TRPV3: variants seen among roughly 807,000 people sequenced by gnomAD.
TRPV3 encodes transient receptor potential cation channel subfamily V member 3, also known as VRL-3.
In TRPV3, 88 loss-of-function variants were observed where a neutral mutation model predicts 87.1. The observed-to-expected ratio is 1.01, with a 90% CI of 0.85 to 1.21. TRPV3 has a LOEUF of 1.21. Among genes scored for constraint, TRPV3 ranks in the 50% most tolerant of loss-of-function variants. The pLI, the probability that TRPV3 is intolerant of heterozygous loss-of-function variation, is 0.00. For synonymous variants in TRPV3, 438 were observed against 423.3 expected (o/e 1.03, Z -0.43); for missense variants, 1,054 against 1,030.1 (o/e 1.02, Z -0.32).
intron 2 of TRPV3, among the ~76,000 whole-genome samples, chr17:3,548,259 T>C (rs562980883): frequency 1.3e-5 from 2 of 151,938 alleles, no homozygotes; most frequent in East Asian, 3.9e-4. Flanking sequence ...GGAGGGAGGG[T>C]AGCAGGAAAG....
At position 3,530,096 on chromosome 17, in the gene TRPV3, G is replaced by A. The variant is rs960132557; in HGVS notation, c.1173C>T (p.Asp391=). ...AYGPVSSSLY[D]LTNVDTTTDN... ...CCGTGGTGGTGTCCACGTTGGTGAG[G>A]TCGTAGAGGGAGGATGACACGGGTC... The change falls in exon 9 of 18, where the codon GAC becomes GAT. Residue 391 remains aspartate, a synonymous_variant. Coordinates refer to ENST00000576742, the MANE Select transcript of TRPV3 (RefSeq NM_145068.4). The surrounding 1 kb of genome is among the most constrained non-coding windows in gnomAD (Gnocchi z 4.0). The A allele has an allele frequency of 6.2e-7, 1 of 1,614,170 alleles. No individual in the cohort carries two copies. Among genetic ancestry groups the A allele is most frequent in the South Asian group, 1.1e-5 (1 of 91,056 alleles).
At chr17:3,519,084 C>T (rs374181710) in intron 14 of TRPV3, among the ~76,000 whole-genome samples, 30 of 152,312 alleles carry the variant, frequency 2.0e-4, no homozygotes, top group Admixed American at 1.2e-3. Flanking sequence ...TCCTTTACCC[C>T]GCAGTCTGCC....
Position 3,518,460 on chromosome 17 carries a change from C to T in TRPV3, c.2085+116G>A, listed in dbSNP as rs973013393. The stretch of plus-strand genomic sequence containing the variant: ...TCAAACCTGGCCACACACTGAGGAG[C>T]TTGTGCAGATTCTCAGGCCCCACCT... On this transcript the variant is annotated intron_variant, in intron 15 of 17. Coordinates refer to ENST00000576742, the MANE Select transcript of TRPV3 (RefSeq NM_145068.4). The surrounding 1 kb of genome is among the most constrained non-coding windows in gnomAD (Gnocchi z 4.3). 18 of 1,245,706 alleles carry T rather than the reference C, an allele frequency of 1.4e-5. No homozygotes were observed. Among genetic ancestry groups the T allele is most frequent in the African/African-American group, 1.4e-4 (9 of 65,992 alleles). The allele number at this position is 1,245,706 out of a possible 1,614,324, so 77.2% of individuals were successfully genotyped here.
intron 6 of TRPV3, among the ~76,000 whole-genome samples, chr17:3,539,335 A>G (rs2074437480): frequency 6.6e-6 from 1 of 151,974 alleles, no homozygotes; most frequent in Admixed American, 6.6e-5. Flanking sequence ...GGGCTGCTTT[A>G]CAATGAAACT....
In TRPV3 at chr17:3,532,899, G is replaced by A; in HGVS notation, c.823C>T (p.Pro275Ser). 1 of 1,614,198 alleles carries A rather than the reference G, an allele frequency of 6.2e-7. No homozygotes were observed. Among genetic ancestry groups the A allele is most frequent in the Non-Finnish European group, 8.5e-7 (1 of 1,180,036 alleles). ...PLALAACTNQ[P>S]EIVQLLMEHE... The stretch of plus-strand genomic sequence containing the variant: ...TCCATCAGCAGCTGCACAATCTCGG[G>A]CTGGTTGGTGCATGCTGCCAGGGCC... The change falls in exon 8 of 18, where the codon CCC (proline) becomes TCC (serine). Residue 275 changes from proline to serine, a missense_variant. Physicochemically the swap from Pro to Ser is moderately conservative, Grantham distance 74. Coordinates refer to ENST00000576742, the MANE Select transcript of TRPV3 (RefSeq NM_145068.4).
At chr17:3,535,321 TC>T (rs1439107219) in intron 7 of TRPV3, among the ~76,000 whole-genome samples, 56 of 67,518 alleles carry the variant, frequency 8.3e-4, no homozygotes, top group African/African-American at 2.3e-3. Flanking sequence ...CCTTTCTCCC[TC>T]CTCCCTTCCT....
chr17:3,518,071 G>A lies in TRPV3; in HGVS notation c.2085+505C>T, dbSNP rs1216563293. On this transcript the variant is annotated intron_variant, in intron 15 of 17. Transcript: ENST00000576742. The surrounding 1 kb of genome is among the most constrained non-coding windows in gnomAD (Gnocchi z 4.3). ...TGACCTCAGGTGATCCACCCGCTTC[G>A]GCCTTCCAAAGTGCTAAGATTACAG... Among the ~76,000 whole-genome samples, 3 of 151,842 alleles carry A rather than the reference G, an allele frequency of 2.0e-5. No homozygotes were observed. Among genetic ancestry groups the A allele is most frequent in the African/African-American group, 4.8e-5 (2 of 41,308 alleles).
chr17:3,528,253 T>G lies in TRPV3; in HGVS notation c.1402-127A>C. ...CCAGAGACCAGCATGAAACCTGATC[T>G]CTGTACAGGGCAAGAGAAGGAAGAG... is the stretch of plus-strand genomic sequence containing the variant. On this transcript the variant is annotated intron_variant, in intron 10 of 17. Coordinates refer to ENST00000576742, the MANE Select transcript of TRPV3 (RefSeq NM_145068.4). The surrounding 1 kb of genome is among the most constrained non-coding windows in gnomAD (Gnocchi z 4.2). 2 of 660,556 alleles carry G rather than the reference T, an allele frequency of 3.0e-6. No individual in the cohort carries two copies. Among genetic ancestry groups the G allele is most frequent in the Middle Eastern group, 5.5e-4 (2 of 3,658 alleles). 40.9% of individuals were successfully genotyped at this position (660,556 alleles called of 1,614,324 possible).
chr17:3,542,491 T>C (rs1485938412), intron 6 of TRPV3, 31 bp downstream of exon 6: 2 of 1,602,978 alleles, frequency 1.2e-6, no homozygotes, highest in Admixed American at 3.4e-5. Context: ...CAGAGACTCC[T>C]GTCTGCACAG....
chr17:3,537,648 A>G (rs1307039832), intron 6 of TRPV3, among the ~76,000 whole-genome samples: 2 of 152,162 alleles, frequency 1.3e-5, no homozygotes, highest in African/African-American at 4.8e-5. Context: ...TCACACCTGT[A>G]ATCCCAGCAC....
intron 9 of TRPV3, 64 bp from the exon 10 acceptor site, chr17:3,529,059 AG>A: frequency 6.3e-7 from 1 of 1,588,616 alleles, no homozygotes; most frequent in East Asian, 2.2e-5. Flanking sequence ...CGTTTTCTAA[AG>A]GCCTGCGGGA....
Position 3,514,609 on chromosome 17 carries a change from C to G in TRPV3, c.2262G>C (p.Gly754=). 6.2e-7 allele frequency: 1 copy of G among 1,613,468 alleles called. No individual in the cohort carries two copies. Among genetic ancestry groups the G allele is most frequent in the South Asian group, 1.1e-5 (1 of 91,052 alleles). Residue 754 remains glycine, a synonymous_variant, in exon 17 of 18, where the codon GGG becomes GGC. Coordinates refer to ENST00000576742, the MANE Select transcript of TRPV3 (RefSeq NM_145068.4). The part of the protein sequence containing the change: ...THVSFLNEDP[G]PVRRTDFNKI... ...CGACAGTACCTGTTCGTCTTACAGGCCCCGGGTCTTCGTTAAGGAAGGAGA... is the reference window on the plus strand; with the variant it reads ...CGACAGTACCTGTTCGTCTTACAGGGCCCGGGTCTTCGTTAAGGAAGGAGA...
At chr17:3,526,801 C>T in intron 12 of TRPV3, 53 bp downstream of exon 12, 1 of 1,445,876 alleles carries the variant, frequency 6.9e-7, no homozygotes, top group Non-Finnish European at 9.6e-7. Flanking sequence ...AGCCACCATA[C>T]AGGACGTCAA....
intron 13 of TRPV3, 123 bp downstream of exon 13, chr17:3,524,075 T>G (rs1317633199): frequency 5.3e-5 from 68 of 1,279,114 alleles, no homozygotes; most frequent in Admixed American, 4.9e-4. Context: ...GTGCATGGCA[T>G]TTGGGAGAAA....
At chr17:3,537,890 TTTAA>T (rs1567640249) in intron 6 of TRPV3, among the ~76,000 whole-genome samples, 19 of 25,084 alleles carry the variant, frequency 7.6e-4, no homozygotes, top group Non-Finnish European at 1.9e-3. Flanking sequence ...ACTCTGTCTT[TTTAA>T]AAAAAAAAAA....
chr17:3,519,829 A>G (rs1454138392), intron 14 of TRPV3, among the ~76,000 whole-genome samples: 5 of 79,008 alleles, frequency 6.3e-5, no homozygotes, highest in African/African-American at 1.6e-4. Flanking sequence ...TGGATGATTA[A>G]ATGGATGAAT....
At chr17:3,525,554 T>G (rs1361356236) in intron 12 of TRPV3, among the ~76,000 whole-genome samples, 1 of 152,144 alleles carries the variant, frequency 6.6e-6, no homozygotes, top group Admixed American at 6.6e-5. Flanking sequence ...CTTCACAGTA[T>G]TGATTTCTAC....
At position 3,525,062 on chromosome 17, in the gene TRPV3, T is replaced by TGC. The variant is rs1567633627; in HGVS notation, c.1578-700_1578-699insGC. On this transcript the variant is annotated intron_variant, in intron 12 of 17. Transcript: ENST00000576742. ...AGAGACAGGGTCTTGCTCTGTCACC[T>TGC]AGGCTGGAGTACAGTGGCATGAACT... Among the ~76,000 whole-genome samples, 11 of 152,146 alleles carry TGC rather than the reference T, an allele frequency of 7.2e-5. No individual in the cohort carries two copies. In the East Asian group the frequency reaches 1.9e-3, roughly 27 times the overall value.
intron 17 of TRPV3, 135 bp from the exon 18 acceptor site, chr17:3,514,146 T>C: frequency 2.9e-6 from 2 of 691,964 alleles, no homozygotes; most frequent in South Asian, 4.2e-5. Flanking sequence ...TGGTGTGATC[T>C]CAGCTCACTG....
Sources: gnomAD v4.1 joint callset for allele counts (sites outside exome capture counted in the v4.1 genomes callset) on GRCh38, gnomAD v4.1.1 for gene constraint, Gnocchi (gnomAD v3.1) non-coding constraint, MANE v1.5 for transcripts, NCBI Gene and HGNC (gene_info 2026-07-23, HGNC 2026-07-21) for gene names.